Variants in USH2A observed in about 807,000 individuals in gnomAD.
USH2A encodes the protein usherin.
Under a neutral mutation model 538.9 loss-of-function variants are expected in USH2A, and 443 were observed. That is an observed-to-expected ratio of 0.82 (90% CI 0.76 to 0.89). USH2A has a LOEUF of 0.89. USH2A is among the 40% of genes least tolerant of loss of function. USH2A has a pLI of 0.00. For missense variants in USH2A, 6,633 were observed against 6,324.8 expected, an observed-to-expected ratio of 1.05 and a Z score of -1.65; for synonymous variants, 2,413 against 2,273.5, an observed-to-expected ratio of 1.06 and a Z score of -1.75.
chr1:215,625,676 T>A lies in USH2A; in HGVS notation c.*105A>T. The A allele has an allele frequency of 9.7e-7, 1 of 1,029,022 alleles. No homozygotes were observed. The highest frequency in any genetic ancestry group is 1.5e-6 in the Non-Finnish European group (1 of 657,150). The allele number at this position is 1,029,022 out of a possible 1,614,324, so 63.7% of individuals were successfully genotyped here. On this transcript the variant is annotated 3_prime_UTR_variant, in exon 72 of 72. Transcript: ENST00000307340. ...ATCATTTCTTTAAAGAATTATAGGA[T>A]AATAAACAATGGCTTTTCAGCATTT...
At chr1:215,971,288 T>A (rs756246966) in intron 35 of USH2A, among the ~76,000 whole-genome samples, 12 of 152,138 alleles carry the variant, frequency 7.9e-5, no homozygotes, top group Admixed American at 1.3e-4. Flanking sequence ...GGTATCATAT[T>A]GGAGGAGAAA....
At chr1:215,724,108 T>G (rs1187281825) in intron 61 of USH2A, among the ~76,000 whole-genome samples, 1 of 152,046 alleles carries the variant, frequency 6.6e-6, no homozygotes, top group African/African-American at 2.4e-5. Context: ...ATCATCTATA[T>G]CTATATCTAT....
At chr1:215,646,533 TTG>T (rs1656857433) in intron 67 of USH2A, among the ~76,000 whole-genome samples, 1 of 152,064 alleles carries the variant, frequency 6.6e-6, no homozygotes, top group African/African-American at 2.4e-5. Context: ...CTTACATTTT[TTG>T]TTTTTTTTTG....
Position 215,794,798 on chromosome 1 carries a change from A to G in USH2A, c.9958+4109T>C, listed in dbSNP as rs188784441. Among the ~76,000 whole-genome samples the G allele has an allele frequency of 3.7e-4, 56 of 152,280 alleles. 1 individual carries two copies. In the East Asian group the frequency reaches 9.5e-3, roughly 26 times the overall value. On this transcript the variant is annotated intron_variant, in intron 50 of 71. Transcript: ENST00000307340. ...TGACTGGCATGCGACATCATCTTGG[A>G]GTAAATAAAGAAGTGATTCTGAAAT...
At chr1:215,787,277 A>G (rs941727428) in intron 51 of USH2A, among the ~76,000 whole-genome samples, 1 of 152,202 alleles carries the variant, frequency 6.6e-6, no homozygotes, top group Non-Finnish European at 1.5e-5. Context: ...TATACACACT[A>G]CAAATATTTT....
intron 21 of USH2A, among the ~76,000 whole-genome samples, chr1:216,123,588 CG>C (rs66499879): frequency 1.4e-4 from 21 of 151,826 alleles, no homozygotes; most frequent in Middle Eastern, 3.4e-3. Context: ...CCCTTTTTTT[CG>C]CATTATTGTA....
chr1:216,289,475 A>G, intron 10 of USH2A, 65 bp from the exon 11 acceptor site: 8 of 1,606,238 alleles, frequency 5.0e-6, no homozygotes, highest in Non-Finnish European at 6.0e-6. Flanking sequence ...ATAATTCAAA[A>G]TTAAAGACTG....
chr1:216,245,741 C>A (rs1434414927), intron 13 of USH2A, among the ~76,000 whole-genome samples: 1 of 152,128 alleles, frequency 6.6e-6, no homozygotes, highest in African/African-American at 2.4e-5. Context: ...AAAGGAAAAG[C>A]ATGGCCCAAT....
At chr1:216,150,231 C>T (rs1172620421) in intron 21 of USH2A, among the ~76,000 whole-genome samples, 1 of 152,176 alleles carries the variant, frequency 6.6e-6, no homozygotes, top group Non-Finnish European at 1.5e-5. Flanking sequence ...CAAGCCATCA[C>T]AGCTGATATC....
At chr1:215,630,524 A>ATG (rs1558029596) in intron 70 of USH2A, among the ~76,000 whole-genome samples, 11 of 124,432 alleles carry the variant, frequency 8.8e-5, no homozygotes, top group African/African-American at 3.9e-4. Context: ...ATATATATAT[A>ATG]TATGAGAGAG....
At chr1:215,634,411 A>G in intron 70 of USH2A, 48 bp downstream of exon 70, 1 of 1,613,730 alleles carries the variant, frequency 6.2e-7, no homozygotes, top group Middle Eastern at 1.7e-4. Context: ...GAAAACAAGT[A>G]TTCTAGTCCA....
intron 47 of USH2A, among the ~76,000 whole-genome samples, chr1:215,819,128 A>G (rs1402108631): frequency 6.6e-6 from 1 of 151,914 alleles, no homozygotes; most frequent in Non-Finnish European, 1.5e-5. Flanking sequence ...ATTCCCATAT[A>G]TACTTTGGAA....
chr1:216,116,220 T>C (rs1021867330), intron 21 of USH2A, among the ~76,000 whole-genome samples: 5 of 152,114 alleles, frequency 3.3e-5, no homozygotes, highest in African/African-American at 1.2e-4. Context: ...ATATTTCATA[T>C]TTGTAATTGC....
chr1:216,071,601 GT>G (rs1476559682), intron 29 of USH2A, among the ~76,000 whole-genome samples: 10 of 152,170 alleles, frequency 6.6e-5, no homozygotes, highest in Non-Finnish European at 8.8e-5. Context: ...TAGGGCTGTG[GT>G]CAGATCATTG....
chr1:215,700,132 C>A (rs1233155858), intron 61 of USH2A, among the ~76,000 whole-genome samples: 2 of 152,132 alleles, frequency 1.3e-5, no homozygotes, highest in African/African-American at 4.8e-5. Context: ...TATATTGAAC[C>A]AGCCTTGCAT....
chr1:215,749,445 C>G (rs1270577685), intron 58 of USH2A, among the ~76,000 whole-genome samples: 1 of 152,084 alleles, frequency 6.6e-6, no homozygotes, highest in East Asian at 1.9e-4. Flanking sequence ...ACAGAAAATG[C>G]TCCTCTAAGC....
At chr1:215,748,420 T>C (rs1660542124) in intron 58 of USH2A, among the ~76,000 whole-genome samples, 1 of 152,196 alleles carries the variant, frequency 6.6e-6, no homozygotes, top group South Asian at 2.1e-4. Flanking sequence ...TTGTATAATA[T>C]ATTATTTTTT....
At position 216,292,364 on chromosome 1, in the gene USH2A, G is replaced by T; in HGVS notation, c.1651C>A (p.Arg551Ser). Residue 551 changes from arginine (R) to serine (S), a missense_variant, in exon 10 of 72, where the codon CGC becomes AGC. Arg to Ser is a moderately radical substitution (Grantham distance 110). Transcript: ENST00000307340. ...TTGTCATTATAAAGAGGCAAGCAGC[G>T]ATCACACTAGAACAAAAAATATCAG... is the stretch of plus-strand genomic sequence containing the variant. ...ESFTEGLHCD[R>S]CLPLYNDKPF... The T allele has an allele frequency of 6.2e-7, 1 of 1,613,684 alleles. No homozygotes were observed. The highest frequency in any genetic ancestry group is 1.1e-5 in the South Asian group (1 of 90,980).
chr1:215,786,733 C>T lies in USH2A; in HGVS notation c.10324G>A (p.Glu3442Lys). ...HNSTGKASIE[E>K]MCSSAEETIH... ...GTTTCTTCGGCAGATGAACACATTT[C>T]TTCAATTGATGCCTTCCCTGTGGAA... Residue 3442 changes from glutamate (E) to lysine (K), a missense_variant, in exon 52 of 72, where the codon GAA becomes AAA. By Grantham distance (56) the Glu-to-Lys change is moderately conservative. Coordinates refer to ENST00000307340, the MANE Select transcript of USH2A (RefSeq NM_206933.4). 6.2e-7 allele frequency: 1 copy of T among 1,614,004 alleles called. No homozygotes were observed. The highest frequency in any genetic ancestry group is 8.5e-7 in the Non-Finnish European group (1 of 1,179,932).
Sources: allele counts gnomAD v4.1 joint callset (sites outside exome capture counted in the v4.1 genomes callset), GRCh38; gene constraint gnomAD v4.1.1; transcripts MANE v1.5; gene names NCBI Gene and HGNC (gene_info 2026-07-23, HGNC 2026-07-21).